VGLL4: variants seen among roughly 807,000 people sequenced by gnomAD.
The protein encoded by VGLL4 is transcription cofactor vestigial-like protein 4.
A neutral mutation model predicts 21.0 loss-of-function variants in VGLL4; 7 were observed. The observed-to-expected ratio is 0.33, with a 90% CI of 0.19 to 0.63. The LOEUF is 0.63. Ranked by LOEUF, VGLL4 falls within the 20% of genes least tolerant of loss-of-function variation. The probability of loss-of-function intolerance (pLI) is 0.78; values close to 1 mark genes in which losing one functional copy is unlikely to be tolerated. For synonymous variants in VGLL4, 222 were observed against 173.2 expected, an observed-to-expected ratio of 1.28 and a Z score of -2.21; for missense variants, 394 against 425.7, an observed-to-expected ratio of 0.93 and a Z score of 0.66.
rs2073639770 is a variant in VGLL4, at chr3:11,568,548, C to T, written c.273-3529G>A. On this transcript the variant is annotated intron_variant, in intron 2 of 4. Coordinates refer to ENST00000430365, the MANE Select transcript of VGLL4 (RefSeq NM_001128219.3). This position sits in a 1 kb window ranked among gnomAD's most constrained non-coding sequence, Gnocchi z 5.9. ...GGTCAGACAAAGACACTGAAAACAG[C>T]GAGAAAAGGCCTGGAGAACTGGCTG... The T allele has an allele frequency of 5.2e-6, 8 of 1,550,088 alleles. No homozygotes were observed. Among genetic ancestry groups the T allele is most frequent in the East Asian group, 2.4e-5 (1 of 41,036 alleles).
intron 1 of VGLL4, among the ~76,000 whole-genome samples, chr3:11,619,549 T>C (rs1234372891): frequency 6.6e-6 from 1 of 152,168 alleles, no homozygotes; most frequent in Non-Finnish European, 1.5e-5. Context: ...TGCAGCAGTC[T>C]CACTTCCCTG....
At chr3:11,563,535 C>T (rs1441220742) in intron 3 of VGLL4, among the ~76,000 whole-genome samples, 1 of 152,230 alleles carries the variant, frequency 6.6e-6, no homozygotes, top group East Asian at 1.9e-4. Context: ...GTGACAGTGT[C>T]CACACACACG....
intron 2 of VGLL4, among the ~76,000 whole-genome samples, chr3:11,566,122 C>T (rs901621392): frequency 5.9e-5 from 9 of 152,304 alleles, no homozygotes; most frequent in South Asian, 4.1e-4. Context: ...CCACAGCCCC[C>T]GTCCCGGACT....
At chr3:11,660,853 G>A (rs984114025) in intron 2 of VGLL4, among the ~76,000 whole-genome samples, 11 of 152,016 alleles carry the variant, frequency 7.2e-5, no homozygotes, top group African/African-American at 2.4e-4. Context: ...ATTAAATAAC[G>A]TTGGGATCCA....
intron 2 of VGLL4, among the ~76,000 whole-genome samples, chr3:11,573,320 A>G (rs866968042): frequency 0.01 from 274 of 27,292 alleles, 9 homozygotes; most frequent in East Asian, 0.032. Context: ...AGGAAGGAAG[A>G]AAGAAAGAAA....
chr3:11,650,847 A>G lies in VGLL4; in HGVS notation c.65-48825T>C, dbSNP rs369053319. On this transcript the variant is annotated intron_variant, in intron 2 of 5. Coordinates refer to the VGLL4 transcript ENST00000273038. ...CTTGAGCTAAAGCATCAGTTAAACA[A>G]TAAGTTGGAGGTGCAAAACTGTCAT... is the stretch of plus-strand genomic sequence containing the variant. Among the ~76,000 whole-genome samples the G allele has an allele frequency of 1.6e-4, 25 of 152,292 alleles. 1 individual carries two copies. The highest frequency in any genetic ancestry group is 5.8e-4 in the African/African-American group (24 of 41,552).
intron 2 of VGLL4, among the ~76,000 whole-genome samples, chr3:11,661,718 C>T (rs1295084683): frequency 6.6e-6 from 1 of 152,066 alleles, no homozygotes; most frequent in Non-Finnish European, 1.5e-5. Context: ...GTGATCTGCC[C>T]GCCTCGGCTT....
intron 2 of VGLL4, among the ~76,000 whole-genome samples, chr3:11,585,789 C>A (rs2125234290): frequency 6.6e-6 from 1 of 152,334 alleles, no homozygotes; most frequent in South Asian, 2.1e-4. Flanking sequence ...CCTCCTCCAA[C>A]AGCTCTCTTG....
At chr3:11,654,071 G>A (rs2075919830) in intron 2 of VGLL4, among the ~76,000 whole-genome samples, 1 of 151,582 alleles carries the variant, frequency 6.6e-6, no homozygotes, top group Non-Finnish European at 1.5e-5. Context: ...ATCCTACAAT[G>A]CATAGGACAC....
upstream of VGLL4, among the ~76,000 whole-genome samples, chr3:11,644,591 C>G (rs941999694): frequency 1.8e-4 from 28 of 152,078 alleles, no homozygotes; most frequent in African/African-American, 6.8e-4. Context: ...GGTGTAGTGG[C>G]TCACACCTGT....
At chr3:11,570,850 C>T (rs1342569708) in intron 2 of VGLL4, among the ~76,000 whole-genome samples, 1 of 152,336 alleles carries the variant, frequency 6.6e-6, no homozygotes, top group Middle Eastern at 3.4e-3. Flanking sequence ...AACACACACA[C>T]AGGAGTGAAC....
At chr3:11,625,021 T>C (rs1284800760) in intron 1 of VGLL4, among the ~76,000 whole-genome samples, 1 of 152,124 alleles carries the variant, frequency 6.6e-6, no homozygotes, top group African/African-American at 2.4e-5. Flanking sequence ...TTCTCAAACA[T>C]CTCATTTCAC....
Position 11,585,432 on chromosome 3 carries a change from TA to T in VGLL4, c.272+16400del, listed in dbSNP as rs530121433. Among the ~76,000 whole-genome samples the T allele has an allele frequency of 8.1e-3, 1,093 of 134,748 alleles. 17 individuals carry two copies. The highest frequency in any genetic ancestry group is 0.044 in the East Asian group (208 of 4,706). The allele number at this position is 134,748 out of a possible 152,430, so 88.4% of individuals were successfully genotyped here. A position where few individuals can be genotyped will look rare whatever the true frequency, so the allele number is the denominator to read the frequency against. On this transcript the variant is annotated intron_variant, in intron 2 of 4. Transcript: ENST00000430365. ...TGGGTGGCAGATTGAGATTCCATCT[TA>T]AAAAAAAAAAAAAGAGAGAGAGAGA... is the stretch of plus-strand genomic sequence containing the variant.
intron 2 of VGLL4, among the ~76,000 whole-genome samples, chr3:11,656,216 C>T (rs2075956534): frequency 1.3e-5 from 2 of 152,198 alleles, no homozygotes; most frequent in Admixed American, 1.3e-4. Flanking sequence ...ACACGACAGA[C>T]GAGGTCCATT....
At chr3:11,618,497 T>A (rs1031927745) in intron 1 of VGLL4, among the ~76,000 whole-genome samples, 2 of 152,196 alleles carry the variant, frequency 1.3e-5, no homozygotes, top group Non-Finnish European at 2.9e-5. Context: ...GAAAAATGGC[T>A]TAATAATGGT....
At position 11,704,399 on chromosome 3, in the gene VGLL4, A is replaced by G. The variant is rs544522231; in HGVS notation, c.-13-1352T>C. ...ACTCCGTCTCAAAAAAAAAAAAAAAAAAAAAAGAAAAAAAGAAAAGAAAAG... is the reference window on the plus strand; with the variant it reads ...ACTCCGTCTCAAAAAAAAAAAAAAAGAAAAAAGAAAAAAAGAAAAGAAAAG... On this transcript the variant is annotated intron_variant, in intron 1 of 5. Coordinates refer to the VGLL4 transcript ENST00000273038. Among the ~76,000 whole-genome samples, 58 of 148,022 alleles carry G rather than the reference A, an allele frequency of 3.9e-4. 1 individual carries two copies. The highest frequency in any genetic ancestry group is 2.1e-3 in the South Asian group (10 of 4,742).
chr3:11,672,499 G>A (rs747933367), intron 2 of VGLL4, among the ~76,000 whole-genome samples: 1 of 152,078 alleles, frequency 6.6e-6, no homozygotes, highest in African/African-American at 2.4e-5. Context: ...AATTCCCCAT[G>A]AGTCTTCCAG....
chr3:11,673,368 G>T (rs2076243718), intron 2 of VGLL4, among the ~76,000 whole-genome samples: 1 of 151,880 alleles, frequency 6.6e-6, no homozygotes, highest in Non-Finnish European at 1.5e-5. Flanking sequence ...CTGACAGAAG[G>T]ATTAGAAAAT....
chr3:11,665,409 G>C (rs971037160), intron 2 of VGLL4, among the ~76,000 whole-genome samples: 9 of 152,080 alleles, frequency 5.9e-5, no homozygotes, highest in Admixed American at 5.9e-4. Flanking sequence ...CACCGCGCCC[G>C]GCCAAACATC....
Sources: gnomAD v4.1 joint callset for allele counts (sites outside exome capture counted in the v4.1 genomes callset) on GRCh38, gnomAD v4.1.1 for gene constraint, Gnocchi (gnomAD v3.1) non-coding constraint, MANE v1.5 for transcripts, NCBI Gene and HGNC (gene_info 2026-07-23, HGNC 2026-07-21) for gene names.